Variants in ARB2A observed in about 807,000 individuals in gnomAD.
The protein encoded by ARB2A is cotranscriptional regulator ARB2A.
the ARB2A span, among the ~76,000 whole-genome samples, chr5:93,852,867 A>G: frequency 6.6e-6 from 1 of 152,080 alleles, no homozygotes; most frequent in Non-Finnish European, 1.5e-5. Context: ...GCCTTGTAGT[A>G]TAGTTTGAAG....
At chr5:93,773,784 G>T in the ARB2A span, among the ~76,000 whole-genome samples, 3 of 152,086 alleles carry the variant, frequency 2.0e-5, no homozygotes, top group Non-Finnish European at 2.9e-5. Flanking sequence ...ATTAGAGATG[G>T]GGTCTTGTTC....
At chr5:93,945,760 A>T in the ARB2A span, among the ~76,000 whole-genome samples, 3 of 152,316 alleles carry the variant, frequency 2.0e-5, no homozygotes, top group Admixed American at 6.5e-5. Context: ...AGAACTAAAG[A>T]TCATGAGTGA....
At chr5:94,012,662 C>A in the ARB2A span, among the ~76,000 whole-genome samples, 2 of 150,226 alleles carry the variant, frequency 1.3e-5, no homozygotes, top group African/African-American at 2.4e-5. Context: ...CCAGCCAAAG[C>A]CAGTCTAACC....
chr5:94,079,626 G>C, the ARB2A span, among the ~76,000 whole-genome samples: 1 of 152,132 alleles, frequency 6.6e-6, no homozygotes, highest in Non-Finnish European at 1.5e-5. Context: ...CTACTGTTAT[G>C]TACTAATTTC....
the ARB2A span, among the ~76,000 whole-genome samples, chr5:93,714,213 A>G: frequency 6.6e-6 from 1 of 152,236 alleles, no homozygotes; most frequent in Admixed American, 6.5e-5. Context: ...AGGGCCAAAG[A>G]TGTCCAGTTA....
the ARB2A span, among the ~76,000 whole-genome samples, chr5:94,035,601 C>T: frequency 4.6e-5 from 7 of 152,062 alleles, no homozygotes; most frequent in South Asian, 1.5e-3. Flanking sequence ...CTGGAGCCAA[C>T]CCAACTGCCC....
chr5:93,828,479 A>C, the ARB2A span, among the ~76,000 whole-genome samples: 2 of 152,168 alleles, frequency 1.3e-5, no homozygotes, highest in Non-Finnish European at 2.9e-5. Context: ...AGTCATTAAA[A>C]TTCTATTGAT....
At chr5:93,967,924 A>G in the ARB2A span, among the ~76,000 whole-genome samples, 2 of 152,110 alleles carry the variant, frequency 1.3e-5, no homozygotes, top group Non-Finnish European at 2.9e-5. Context: ...ATACCAGGGG[A>G]TTACAGCTAA....
the ARB2A span, among the ~76,000 whole-genome samples, chr5:93,726,700 T>C: frequency 2.0e-5 from 3 of 152,058 alleles, no homozygotes; most frequent in South Asian, 6.2e-4. Flanking sequence ...TGAATTGGGG[T>C]TACGTAACTT....
the ARB2A span, among the ~76,000 whole-genome samples, chr5:94,098,845 A>G: frequency 6.6e-6 from 1 of 152,242 alleles, no homozygotes; most frequent in South Asian, 2.1e-4. Flanking sequence ...AACTACTATG[A>G]ACACCTCTAC....
chr5:93,754,567 T>C, the ARB2A span, among the ~76,000 whole-genome samples: 15 of 152,230 alleles, frequency 9.9e-5, no homozygotes, highest in African/African-American at 2.4e-4. Flanking sequence ...CTGTCAGTCA[T>C]GCACCAGCCA....
At chr5:93,792,619 C>T in the ARB2A span, among the ~76,000 whole-genome samples, 1 of 144,860 alleles carries the variant, frequency 6.9e-6, no homozygotes, top group Non-Finnish European at 1.5e-5. Context: ...ACCAAACACG[C>T]ATGTTCTCAC....
the ARB2A span, among the ~76,000 whole-genome samples, chr5:93,702,862 T>C: frequency 5.3e-4 from 81 of 152,238 alleles, no homozygotes; most frequent in Non-Finnish European, 1.0e-3. Flanking sequence ...TATTTAATTA[T>C]TAATCCTTCA....
At chr5:93,918,430 CTTTTTTT>C in the ARB2A span, among the ~76,000 whole-genome samples, 10 of 107,354 alleles carry the variant, frequency 9.3e-5, no homozygotes, top group Non-Finnish European at 9.7e-5. Context: ...TTCCAAATTT[CTTTTTTT>C]TTTTTTTTTT....
the ARB2A span, among the ~76,000 whole-genome samples, chr5:93,851,232 A>C: frequency 2.6e-5 from 4 of 152,190 alleles, no homozygotes; most frequent in African/African-American, 9.6e-5. Flanking sequence ...TTTAAATAAA[A>C]ATTATTTCAT....
At chr5:93,907,029 T>C in the ARB2A span, among the ~76,000 whole-genome samples, 2 of 151,516 alleles carry the variant, frequency 1.3e-5, no homozygotes, top group Non-Finnish European at 3.0e-5. Flanking sequence ...TATATGAGCA[T>C]GCATGCACAC....
At chr5:93,742,347 A>G in the ARB2A span, among the ~76,000 whole-genome samples, 1 of 152,156 alleles carries the variant, frequency 6.6e-6, no homozygotes, top group Non-Finnish European at 1.5e-5. Flanking sequence ...CAGGTCTCTG[A>G]ACTGGCCTGA....
At chr5:93,818,127 A>C in the ARB2A span, among the ~76,000 whole-genome samples, 1 of 152,156 alleles carries the variant, frequency 6.6e-6, no homozygotes, top group East Asian at 1.9e-4. Flanking sequence ...AGAAAAAAAA[A>C]AAACTACAGT....
the ARB2A span, among the ~76,000 whole-genome samples, chr5:93,642,304 T>C: frequency 6.6e-6 from 1 of 151,520 alleles, no homozygotes; most frequent in Non-Finnish European, 1.5e-5. Flanking sequence ...TGCGCCCAAG[T>C]TCAAGTGTTC....
Sources: allele counts gnomAD v4.1 joint callset (sites outside exome capture counted in the v4.1 genomes callset), GRCh38; gene constraint gnomAD v4.1.1; transcripts MANE v1.5; gene names NCBI Gene and HGNC (gene_info 2026-07-23, HGNC 2026-07-21).